The following GLB1L2 variants were observed in gnomAD, a reference collection of about 807,000 sequenced individuals.
GLB1L2 encodes beta-galactosidase-1-like protein 2.
In GLB1L2, 68 loss-of-function variants were observed where a neutral mutation model predicts 84.1. That is an observed-to-expected ratio of 0.81 (90% CI 0.67 to 0.99). The LOEUF is 0.99. Ranked by LOEUF, GLB1L2 falls within the 50% of genes least tolerant of loss-of-function variation. The pLI, the probability that GLB1L2 is intolerant of heterozygous loss-of-function variation, is 0.00. For missense variants in GLB1L2, 762 were observed against 805.6 expected (o/e 0.95, Z 0.66); for synonymous variants, 290 against 318.0 (o/e 0.91, Z 0.94).
rs1188742840 is a variant in GLB1L2, at chr11:134,370,232, G to A, written c.1109-61G>A. 1 of 1,395,526 alleles carries A rather than the reference G, an allele frequency of 7.2e-7. No individual in the cohort carries two copies. Among genetic ancestry groups the A allele is most frequent in the South Asian group, 1.2e-5 (1 of 86,222 alleles). 86.4% of individuals were successfully genotyped at this position (1,395,526 alleles called of 1,614,324 possible). ...GGTCTGTGGATGGGAGCCGGGTGGG[G>A]AGGACGAGCAGGCAGTGACATTTGG... is the stretch of plus-strand genomic sequence containing the variant. On this transcript the variant is annotated intron_variant, in intron 11 of 18. Transcript: ENST00000535456. This position sits in a 1 kb window ranked among gnomAD's most constrained non-coding sequence, Gnocchi z 4.7.
chr11:134,343,052 C>G, intron 2 of GLB1L2, 101 bp downstream of exon 2: 1 of 1,253,542 alleles, frequency 8.0e-7, no homozygotes, highest in South Asian at 1.5e-5. Context: ...GTCCTCTGCC[C>G]AGGGCGAGAG....
At chr11:134,349,492 A>C (rs941492073) in intron 5 of GLB1L2, among the ~76,000 whole-genome samples, 1 of 152,144 alleles carries the variant, frequency 6.6e-6, no homozygotes, top group African/African-American at 2.4e-5. Flanking sequence ...GTCATTCTAC[A>C]TTCAGTTTTT....
At position 134,370,764 on chromosome 11, in the gene GLB1L2, C is replaced by T. The variant is rs188281883; in HGVS notation, c.1216-244C>T. Among the ~76,000 whole-genome samples the T allele has an allele frequency of 1.2e-4, 19 of 152,288 alleles. No homozygotes were observed. The highest frequency in any genetic ancestry group is 6.2e-4 in the South Asian group (3 of 4,824). On this transcript the variant is annotated intron_variant, in intron 12 of 18. Coordinates refer to ENST00000535456, the MANE Select transcript of GLB1L2 (RefSeq NM_001370461.1). This position sits in a 1 kb window ranked among gnomAD's most constrained non-coding sequence, Gnocchi z 4.7. ...CTCCCCAAGAAGGGGGTGCCTCCTC[C>T]GGCGGACTGAGGCTGTGATGTGTGT...
rs1468370020 is a variant in GLB1L2 at position 134,376,235 on chromosome 11, C to T, written c.*1177C>T. On this transcript the variant is annotated 3_prime_UTR_variant, in exon 19 of 19. Transcript: ENST00000535456. ...GCCCTCCTTCGAAGTGTGTCCAAGT[C>T]CGCATTTGAGCCTTGTTCTGGGGCC... is the stretch of plus-strand genomic sequence containing the variant. 1 of 149,018 alleles carries T rather than the reference C, an allele frequency of 6.7e-6. No homozygotes were observed. The highest frequency in any genetic ancestry group is 2.5e-5 in the African/African-American group (1 of 40,394). The allele number at this position is 149,018 out of a possible 1,614,324, so 9.2% of individuals were successfully genotyped here.
rs772307745 is a variant in GLB1L2 at position 134,370,964 on chromosome 11, ACTC to A, written c.1216-38_1216-36del. Reference sequence around the variant, plus strand: ...CCAGGCAGAGTCTGTCTGTGACCCCACTCCTCCTGAGCCTGCCCACCCCTCCAT... The same window carrying A: ...CCAGGCAGAGTCTGTCTGTGACCCCACTCCTGAGCCTGCCCACCCCTCCAT... On this transcript the variant is annotated intron_variant, in intron 12 of 18. Coordinates refer to ENST00000535456, the MANE Select transcript of GLB1L2 (RefSeq NM_001370461.1). The surrounding 1 kb of genome is among the most constrained non-coding windows in gnomAD (Gnocchi z 4.7). 2 of 1,608,008 alleles carry A rather than the reference ACTC, an allele frequency of 1.2e-6. No individual in the cohort carries two copies. Among genetic ancestry groups the A allele is most frequent in the African/African-American group, 2.7e-5 (2 of 74,482 alleles).
intron 1 of GLB1L2, among the ~76,000 whole-genome samples, chr11:134,340,414 T>C (rs1943445391): frequency 6.6e-6 from 1 of 152,212 alleles, no homozygotes; most frequent in Non-Finnish European, 1.5e-5. Context: ...CATGTGCCTC[T>C]GAGGGAACCA....
At chr11:134,368,263 G>T (rs967571706) in intron 9 of GLB1L2, among the ~76,000 whole-genome samples, 1 of 152,174 alleles carries the variant, frequency 6.6e-6, no homozygotes, top group African/African-American at 2.4e-5. Flanking sequence ...AGAATAGGAG[G>T]TGTCAGAGTT....
Position 134,334,924 on chromosome 11 carries a change from G to A in GLB1L2, c.86+2777G>A, listed in dbSNP as rs184532411. Among the ~76,000 whole-genome samples the A allele has an allele frequency of 8.7e-4, 133 of 152,222 alleles. No individual in the cohort carries two copies. Among genetic ancestry groups the A allele is most frequent in the Admixed American group, 1.5e-3 (23 of 15,294 alleles). ...CTGCTTGATATTATCTAAAGGCATGGTTCTCATTCATGATTTTTTCCTTAA... is the reference window on the plus strand; with the variant it reads ...CTGCTTGATATTATCTAAAGGCATGATTCTCATTCATGATTTTTTCCTTAA... On this transcript the variant is annotated intron_variant, in intron 1 of 18. Coordinates refer to ENST00000535456, the MANE Select transcript of GLB1L2 (RefSeq NM_001370461.1). This position sits in a 1 kb window ranked among gnomAD's most constrained non-coding sequence, Gnocchi z 4.1.
chr11:134,361,585 C>T (rs1011445251), intron 7 of GLB1L2: 1 of 152,386 alleles, frequency 6.6e-6, no homozygotes, highest in African/African-American at 2.4e-5. Context: ...AATTCTCTTT[C>T]CTCCCCTCAA....
chr11:134,361,488 G>A (rs1351930576), intron 7 of GLB1L2: 1 of 152,342 alleles, frequency 6.6e-6, no homozygotes, highest in African/African-American at 2.4e-5. Context: ...GCCCTGCACA[G>A]TATCTGTGAA....
chr11:134,347,463 T>C (rs943847300), intron 5 of GLB1L2, 30 bp downstream of exon 5: 5 of 1,468,050 alleles, frequency 3.4e-6, no homozygotes, highest in Non-Finnish European at 4.8e-6. Context: ...TCTTTGATCT[T>C]GGTCTGTCTT....
chr11:134,348,656 G>C (rs1943583195), intron 5 of GLB1L2, among the ~76,000 whole-genome samples: 1 of 152,126 alleles, frequency 6.6e-6, no homozygotes, highest in Admixed American at 6.5e-5. Context: ...CAGCTCAGCG[G>C]CATTGAGTCC....
In GLB1L2 at chr11:134,332,051, G is replaced by C. The variant is rs1321730348; in HGVS notation, c.-11G>C. The stretch of plus-strand genomic sequence containing the variant: ...GTGGGAACCCGGGTCCCCGCGCTTA[G>C]AGAACACGCGATGACCACGTGGAGC... On this transcript the variant is annotated 5_prime_UTR_variant, in exon 1 of 19. Transcript: ENST00000535456. The C allele has an allele frequency of 1.9e-6, 3 of 1,555,540 alleles. No individual in the cohort carries two copies. Among genetic ancestry groups the C allele is most frequent in the South Asian group, 1.2e-5 (1 of 85,074 alleles).
chr11:134,352,441 A>G (rs1294612776), intron 5 of GLB1L2, among the ~76,000 whole-genome samples: 1 of 151,542 alleles, frequency 6.6e-6, no homozygotes, highest in African/African-American at 2.4e-5. Flanking sequence ...CTCATTGTCT[A>G]TCTCTGCTCT....
At chr11:134,340,165 G>A (rs1351132672) in intron 1 of GLB1L2, among the ~76,000 whole-genome samples, 1 of 152,312 alleles carries the variant, frequency 6.6e-6, no homozygotes, top group East Asian at 1.9e-4. Flanking sequence ...AGTAATGTGT[G>A]CTTTAATAAG....
intron 1 of GLB1L2, 111 bp from the exon 2 acceptor site, chr11:134,342,643 T>C (rs1943483675): frequency 2.7e-6 from 3 of 1,103,276 alleles, no homozygotes; most frequent in Non-Finnish European, 3.9e-6. Context: ...CCCAGCCACC[T>C]GGACGCAGGC....
intron 7 of GLB1L2, 37 bp from the exon 8 acceptor site, chr11:134,364,291 A>T (rs1252945770): frequency 1.3e-6 from 2 of 1,568,084 alleles, no homozygotes; most frequent in Non-Finnish European, 1.8e-6. Context: ...GCTTTGAGAC[A>T]GTGCTTTGTC....
At position 134,371,417 on chromosome 11, in the gene GLB1L2, G is replaced by A; in HGVS notation, c.1357-4G>A. On this transcript the variant is annotated splice_polypyrimidine_tract_variant and splice_region_variant and intron_variant, in intron 13 of 18. Transcript: ENST00000535456. ...TGGATGTTCCTGCCTGTTCCCTTTGGCAGGTGTTTGTGAACACAGTATCCA... is the reference window on the plus strand; with the variant it reads ...TGGATGTTCCTGCCTGTTCCCTTTGACAGGTGTTTGTGAACACAGTATCCA... The A allele has an allele frequency of 6.4e-7, 1 of 1,559,954 alleles. No individual in the cohort carries two copies. The highest frequency in any genetic ancestry group is 8.8e-7 in the Non-Finnish European group (1 of 1,130,580).
intron 4 of GLB1L2, among the ~76,000 whole-genome samples, chr11:134,345,683 C>A (rs191641191): frequency 1.3e-5 from 2 of 152,190 alleles, no homozygotes; most frequent in African/African-American, 4.8e-5. Context: ...GTTGGCTAGG[C>A]TGGTCTGGAA....
Sources: allele counts gnomAD v4.1 joint callset (sites outside exome capture counted in the v4.1 genomes callset), GRCh38; gene constraint gnomAD v4.1.1; non-coding constraint Gnocchi (gnomAD v3.1); transcripts MANE v1.5; gene names NCBI Gene and HGNC (gene_info 2026-07-23, HGNC 2026-07-21).